Variants in NOL4 observed in about 807,000 individuals in gnomAD.
The protein encoded by NOL4 is cancer/testis antigen 125.
Under a neutral mutation model 75.9 loss-of-function variants are expected in NOL4, and 17 were observed. That is an observed-to-expected ratio of 0.22 (90% CI 0.15 to 0.34). NOL4 has a LOEUF of 0.34. NOL4 is among the 10% of genes least tolerant of loss of function. NOL4 has a pLI of 1.00. For synonymous variants in NOL4, 292 were observed against 289.9 expected (o/e 1.01, Z -0.07); for missense variants, 614 against 793.5 (o/e 0.77, Z 2.72).
intron 8 of NOL4, among the ~76,000 whole-genome samples, chr18:33,954,827 T>C (rs1167876333): frequency 1.3e-5 from 2 of 151,920 alleles, no homozygotes; most frequent in African/African-American, 4.8e-5. Flanking sequence ...TAATAAAGAC[T>C]GAGGTGAAAG....
chr18:33,870,586 T>C (rs1034744895), intron 10 of NOL4, among the ~76,000 whole-genome samples: 1 of 151,970 alleles, frequency 6.6e-6, no homozygotes, highest in African/African-American at 2.4e-5. Context: ...GAGTATATTA[T>C]AAATGTACGA....
At chr18:34,202,463 C>G (rs1039257124) in intron 1 of NOL4, among the ~76,000 whole-genome samples, 1 of 151,824 alleles carries the variant, frequency 6.6e-6, no homozygotes, top group Admixed American at 6.6e-5. Flanking sequence ...TTCATTTCTA[C>G]AGCTTCTATT....
In NOL4 at chr18:34,223,502, C is replaced by T. The variant is rs1600928641; in HGVS notation, c.-249G>A. On this transcript the variant is annotated 5_prime_UTR_variant, in exon 1 of 11. Coordinates refer to ENST00000261592, the MANE Select transcript of NOL4 (RefSeq NM_003787.5). The stretch of plus-strand genomic sequence containing the variant: ...GCAACGGCTGTCTCGGACGTTTTTC[C>T]TGTTCCCTTAGCGGTCGGTCTCTTT... The T allele has an allele frequency of 1.7e-6, 1 of 580,966 alleles. No homozygotes were observed. The highest frequency in any genetic ancestry group is 3.1e-5 in the Admixed American group (1 of 31,764). The allele number at this position is 580,966 out of a possible 1,614,324, so 36.0% of individuals were successfully genotyped here.
chr18:33,950,958 T>C (rs1042835004), intron 8 of NOL4, among the ~76,000 whole-genome samples: 1 of 152,144 alleles, frequency 6.6e-6, no homozygotes, highest in Admixed American at 6.6e-5. Flanking sequence ...TCAAGTGCTT[T>C]TGGTTTTCAT....
chr18:34,151,982 A>G (rs2081660495), intron 1 of NOL4, among the ~76,000 whole-genome samples: 2 of 151,858 alleles, frequency 1.3e-5, no homozygotes, highest in South Asian at 4.1e-4. Flanking sequence ...TTTGTAAACT[A>G]TGCTTGATCA....
At chr18:33,979,193 C>T (rs974476121) in intron 6 of NOL4, among the ~76,000 whole-genome samples, 1 of 152,010 alleles carries the variant, frequency 6.6e-6, no homozygotes, top group East Asian at 1.9e-4. Context: ...CAAATAGACA[C>T]TATCACATGC....
At chr18:34,144,323 G>A (rs1429906823) in intron 1 of NOL4, among the ~76,000 whole-genome samples, 1 of 152,042 alleles carries the variant, frequency 6.6e-6, no homozygotes, top group African/African-American at 2.4e-5. Flanking sequence ...ACATTTTTAT[G>A]TCATTCAAGA....
intron 9 of NOL4, among the ~76,000 whole-genome samples, chr18:33,894,818 G>A (rs1220681470): frequency 2.0e-5 from 3 of 152,088 alleles, no homozygotes; most frequent in Admixed American, 6.6e-5. Flanking sequence ...CCCAGCCTCT[G>A]AGCCAGTGTG....
At chr18:33,982,449 T>C (rs1400014230) in intron 6 of NOL4, among the ~76,000 whole-genome samples, 1 of 152,102 alleles carries the variant, frequency 6.6e-6, no homozygotes, top group African/African-American at 2.4e-5. Flanking sequence ...AGCCAGAAGA[T>C]TTATCAGGGA....
Position 34,019,454 on chromosome 18 carries a change from C to A in NOL4, c.920G>T (p.Ser307Ile). Residue 307 changes from serine (S) to isoleucine (I), a missense_variant, in exon 6 of 11, where the codon AGT becomes ATT. This residue lies in a region of NOL4 where 196 missense variants were observed against 167.9 expected (regional missense o/e 1.17). Transcript: ENST00000261592. ...TAGCTGCGCAGAGAGGGGACTGTCA[C>A]TCAGGTTCAGTGGCTGTTCATCTTG... ...LEQDEQPLNL[S>I]DSPLSAQLTS... 6.2e-7 allele frequency: 1 copy of A among 1,613,996 alleles called. No individual in the cohort carries two copies. The highest frequency in any genetic ancestry group is 8.5e-7 in the Non-Finnish European group (1 of 1,179,980).
intron 5 of NOL4, among the ~76,000 whole-genome samples, chr18:34,028,149 A>AC (rs927181630): frequency 7.2e-5 from 11 of 151,926 alleles, no homozygotes; most frequent in Middle Eastern, 3.4e-3. Context: ...TGGTCATAGT[A>AC]CCCCCCCAAC....
chr18:33,958,915 G>A (rs1014357887), intron 6 of NOL4, among the ~76,000 whole-genome samples: 2 of 152,070 alleles, frequency 1.3e-5, no homozygotes, highest in Non-Finnish European at 2.9e-5. Flanking sequence ...GAAACTGAGG[G>A]ATGTTCAATT....
intron 1 of NOL4, among the ~76,000 whole-genome samples, chr18:34,176,077 A>G (rs993570858): frequency 2.0e-5 from 3 of 152,146 alleles, no homozygotes; most frequent in Non-Finnish European, 2.9e-5. Flanking sequence ...GAGCTAAAGA[A>G]GAGTATAAGA....
chr18:34,163,187 G>T (rs892910455), intron 1 of NOL4, among the ~76,000 whole-genome samples: 3 of 152,118 alleles, frequency 2.0e-5, no homozygotes, highest in Non-Finnish European at 4.4e-5. Context: ...GCACAAGACA[G>T]GGATGCCCTC....
At chr18:34,203,525 T>C (rs907627258) in intron 1 of NOL4, among the ~76,000 whole-genome samples, 2 of 151,700 alleles carry the variant, frequency 1.3e-5, no homozygotes, top group African/African-American at 2.4e-5. Flanking sequence ...GATAATATTA[T>C]ATTATAGCTT....
intron 9 of NOL4, among the ~76,000 whole-genome samples, chr18:33,934,760 A>G (rs1055845707): frequency 1.3e-5 from 2 of 152,022 alleles, no homozygotes; most frequent in East Asian, 3.9e-4. Flanking sequence ...GTGTAAGGGA[A>G]TGTGGCTGGT....
intron 5 of NOL4, among the ~76,000 whole-genome samples, chr18:34,032,630 G>C (rs1568247241): frequency 6.6e-6 from 1 of 152,110 alleles, no homozygotes; most frequent in East Asian, 1.9e-4. Context: ...CACCACGTGG[G>C]ATCCAGATAG....
chr18:34,041,562 A>G (rs960039706), intron 5 of NOL4, among the ~76,000 whole-genome samples: 22 of 151,980 alleles, frequency 1.4e-4, no homozygotes, highest in Non-Finnish European at 2.9e-4. Flanking sequence ...ACATGCTTAA[A>G]GCAATTTCTA....
intron 9 of NOL4, among the ~76,000 whole-genome samples, chr18:33,930,267 T>C (rs1599905220): frequency 6.6e-6 from 1 of 152,148 alleles, no homozygotes; most frequent in Non-Finnish European, 1.5e-5. Context: ...AAAAATATAA[T>C]GGAACATCTA....
Sources: allele counts gnomAD v4.1 joint callset (sites outside exome capture counted in the v4.1 genomes callset), GRCh38; gene constraint gnomAD v4.1.1; regional missense constraint gnomAD v4.1.1; transcripts MANE v1.5; gene names NCBI Gene and HGNC (gene_info 2026-07-23, HGNC 2026-07-21).